The following ASAP1 variants were observed in gnomAD, a reference collection of about 807,000 sequenced individuals.
ASAP1 encodes the protein arf-GAP with SH3 domain, ANK repeat and PH domain-containing protein 1.
In ASAP1, 43 loss-of-function variants were observed where a neutral mutation model predicts 145.2. That is an observed-to-expected ratio of 0.30 (90% CI 0.23 to 0.38). ASAP1 has a LOEUF of 0.38. Ranked by LOEUF, ASAP1 falls within the 10% of genes least tolerant of loss-of-function variation. The probability of loss-of-function intolerance (pLI) is 1.00; values close to 1 mark genes in which losing one functional copy is unlikely to be tolerated. For synonymous variants in ASAP1, 546 were observed against 515.5 expected (o/e 1.06, Z -0.80); for missense variants, 1,018 against 1,355.3 (o/e 0.75, Z 3.91).
chr8:130,400,747 C>T (rs1205169844), intron 2 of ASAP1, among the ~76,000 whole-genome samples: 2 of 149,326 alleles, frequency 1.3e-5, no homozygotes, highest in Non-Finnish European at 3.0e-5. Flanking sequence ...GCCGAGATAG[C>T]GCCACTGCGC....
At chr8:130,298,633 C>A (rs898829011) in intron 3 of ASAP1, among the ~76,000 whole-genome samples, 1 of 152,208 alleles carries the variant, frequency 6.6e-6, no homozygotes, top group Non-Finnish European at 1.5e-5. Context: ...ATAAGCCCCC[C>A]ATCTTTCCAG....
Position 130,188,203 on chromosome 8 carries a change from A to T in ASAP1, c.406-20T>A. On this transcript the variant is annotated intron_variant, in intron 5 of 29. Transcript: ENST00000518721. ...CTGGAGCTGAAAAAGCAAAGGGAAG[A>T]TGGGAGATGGTTAAAAAATAAAGTC... The T allele has an allele frequency of 6.3e-7, 1 of 1,589,894 alleles. No individual in the cohort carries two copies. The highest frequency in any genetic ancestry group is 8.6e-7 in the Non-Finnish European group (1 of 1,158,750).
chr8:130,296,508 C>CT lies in ASAP1; in HGVS notation c.187-59515dup, dbSNP rs554026885. ...TAAATTATCTCCACCTGCTACTTCC[C>CT]TTTTTTTTTTTTTTTTTCCCATTTG... On this transcript the variant is annotated intron_variant, in intron 3 of 29. Coordinates refer to ENST00000518721, the MANE Select transcript of ASAP1 (RefSeq NM_018482.4). Among the ~76,000 whole-genome samples the CT allele has an allele frequency of 8.6e-3, 1,192 of 138,704 alleles. 11 individuals are homozygous for CT. The highest frequency in any genetic ancestry group is 0.02 in the East Asian group (96 of 4,836). 91.0% of individuals were successfully genotyped at this position (138,704 alleles called of 152,430 possible). A position where few individuals can be genotyped will look rare whatever the true frequency, so the allele number is the denominator to read the frequency against.
chr8:130,227,670 CTATA>C (rs1051485690), intron 4 of ASAP1, among the ~76,000 whole-genome samples: 11 of 149,592 alleles, frequency 7.4e-5, no homozygotes, highest in Admixed American at 2.7e-4. Flanking sequence ...ATATATTATA[CTATA>C]TATAACACAG....
chr8:130,158,700 C>T (rs891095659), intron 12 of ASAP1, among the ~76,000 whole-genome samples: 6 of 151,440 alleles, frequency 4.0e-5, no homozygotes, highest in South Asian at 2.1e-4. Flanking sequence ...AAAGGGAAGC[C>T]GCTGGAGTAT....
At chr8:130,264,722 T>C (rs551907172) in intron 3 of ASAP1, among the ~76,000 whole-genome samples, 3 of 152,146 alleles carry the variant, frequency 2.0e-5, no homozygotes, top group African/African-American at 2.4e-5. Flanking sequence ...AATATGAACA[T>C]GAGAAAGGGT....
intron 7 of ASAP1, among the ~76,000 whole-genome samples, chr8:130,182,831 C>CAAAAAAAAAAAAAAAAAACAAAAAAAAG (rs1814450965): frequency 1.4e-5 from 1 of 73,596 alleles, no homozygotes; most frequent in Non-Finnish European, 2.6e-5. Flanking sequence ...TATAAAAAGG[C>CAAAAAAAAAAAAAAAAAACAAAAAAAAG]AAAAAAAAAA....
intron 3 of ASAP1, among the ~76,000 whole-genome samples, chr8:130,308,994 A>C (rs1290001212): frequency 6.6e-6 from 1 of 152,206 alleles, no homozygotes; most frequent in African/African-American, 2.4e-5. Flanking sequence ...TGGTATTTTA[A>C]ATTTGCCTGA....
chr8:130,348,638 G>T (rs575094773), intron 3 of ASAP1, among the ~76,000 whole-genome samples: 1 of 152,270 alleles, frequency 6.6e-6, no homozygotes, highest in East Asian at 1.9e-4. Context: ...ATTAAAACTC[G>T]TTTTACTGAC....
intron 12 of ASAP1, among the ~76,000 whole-genome samples, chr8:130,155,209 A>G (rs2097655814): frequency 6.6e-6 from 1 of 152,198 alleles, no homozygotes; most frequent in African/African-American, 2.4e-5. Context: ...ACACGCGCGC[A>G]CACACCCCTT....
In ASAP1 at chr8:130,309,838, A is replaced by G. The variant is rs535809978; in HGVS notation, c.186+48179T>C. On this transcript the variant is annotated intron_variant, in intron 3 of 29. Coordinates refer to ENST00000518721, the MANE Select transcript of ASAP1 (RefSeq NM_018482.4). ...GCCAGGTGAACTCCCAACCATGTCC[A>G]CAAAAATCAAAGACTGACCAAGCAA... is the stretch of plus-strand genomic sequence containing the variant. Among the ~76,000 whole-genome samples the G allele has an allele frequency of 2.0e-5, 3 of 152,342 alleles. No individual in the cohort carries two copies. In the East Asian group the frequency reaches 5.8e-4, roughly 29 times the overall value.
At chr8:130,252,637 T>C (rs931093343) in intron 3 of ASAP1, among the ~76,000 whole-genome samples, 72 of 152,292 alleles carry the variant, frequency 4.7e-4, no homozygotes, top group African/African-American at 1.7e-3. Flanking sequence ...AAGAAAACTG[T>C]AATCACAGCA....
chr8:130,324,394 A>G (rs2670883), intron 3 of ASAP1, among the ~76,000 whole-genome samples: 1,833 of 152,332 alleles, frequency 0.012, 23 homozygotes, highest in Non-Finnish European at 0.021. Context: ...AAAAGGTTGA[A>G]TATCATTAAC....
intron 3 of ASAP1, among the ~76,000 whole-genome samples, chr8:130,320,478 C>T (rs1168044350): frequency 1.3e-5 from 2 of 151,920 alleles, no homozygotes; most frequent in African/African-American, 4.8e-5. Flanking sequence ...TGGCTTGAGC[C>T]CGGGAGGTGG....
intron 8 of ASAP1, among the ~76,000 whole-genome samples, chr8:130,179,826 G>A (rs934901780): frequency 2.0e-5 from 3 of 152,030 alleles, no homozygotes; most frequent in Admixed American, 1.3e-4. Context: ...AATTTATTGA[G>A]GTAACTAAAC....
At chr8:130,299,438 T>C (rs534566078) in intron 3 of ASAP1, among the ~76,000 whole-genome samples, 4 of 152,220 alleles carry the variant, frequency 2.6e-5, no homozygotes, top group Non-Finnish European at 4.4e-5. Context: ...TAACAAATTG[T>C]GTCTACTGCC....
chr8:130,132,261 C>T (rs967511620), intron 15 of ASAP1, among the ~76,000 whole-genome samples: 7 of 152,194 alleles, frequency 4.6e-5, no homozygotes, highest in African/African-American at 1.2e-4. Flanking sequence ...GCATTTAGCA[C>T]GTAACATCTC....
At chr8:130,164,664 T>C (rs894246399) in intron 11 of ASAP1, among the ~76,000 whole-genome samples, 1 of 152,170 alleles carries the variant, frequency 6.6e-6, no homozygotes, top group African/African-American at 2.4e-5. Context: ...GATTAAGCTA[T>C]TACAAAAGCT....
intron 2 of ASAP1, among the ~76,000 whole-genome samples, chr8:130,374,541 C>T (rs1202136294): frequency 1.3e-5 from 2 of 152,210 alleles, no homozygotes; most frequent in Admixed American, 1.3e-4. Context: ...TAGTTAGGGT[C>T]AAGCTTTGGT....
Sources: allele counts gnomAD v4.1 joint callset (sites outside exome capture counted in the v4.1 genomes callset), GRCh38; gene constraint gnomAD v4.1.1; transcripts MANE v1.5; gene names NCBI Gene and HGNC (gene_info 2026-07-23, HGNC 2026-07-21).